ZC3H11A: variants seen among roughly 807,000 people sequenced by gnomAD.
ZC3H11A encodes zinc finger CCCH domain-containing protein 11A.
Under a neutral mutation model 90.8 loss-of-function variants are expected in ZC3H11A, and 22 were observed. The observed-to-expected ratio is 0.24, with a 90% CI of 0.17 to 0.35. ZC3H11A has a LOEUF of 0.35. ZC3H11A is among the 10% of genes least tolerant of loss of function. The pLI, the probability that ZC3H11A is intolerant of heterozygous loss-of-function variation, is 1.00. For synonymous variants in ZC3H11A, 294 were observed against 339.8 expected, an observed-to-expected ratio of 0.87 and a Z score of 1.48; for missense variants, 701 against 964.9, an observed-to-expected ratio of 0.73 and a Z score of 3.62.
At chr1:203,806,818 C>T (rs1389653866) in intron 2 of ZC3H11A, among the ~76,000 whole-genome samples, 1 of 136,234 alleles carries the variant, frequency 7.3e-6, no homozygotes, top group Admixed American at 8.3e-5. Flanking sequence ...GTGGATATTG[C>T]ACCTCAGGTT....
chr1:203,846,256 A>G (rs926313161), intron 12 of ZC3H11A, among the ~76,000 whole-genome samples: 4 of 149,704 alleles, frequency 2.7e-5, no homozygotes, highest in Non-Finnish European at 5.9e-5. Flanking sequence ...ATCTCTTTTC[A>G]TTATTTATTT....
chr1:203,822,003 C>T (rs34057724), intron 4 of ZC3H11A, among the ~76,000 whole-genome samples: 15,796 of 151,992 alleles, frequency 0.1, 1,110 homozygotes, highest in Non-Finnish European at 0.15. Context: ...GTGATCCGCC[C>T]GCCTTGGCCT....
Position 203,824,324 on chromosome 1 carries a change from C to T in ZC3H11A, c.175-3975C>T, listed in dbSNP as rs571963929. 3.2e-4 allele frequency among the ~76,000 whole-genome samples: 48 copies of T among 150,460 alleles called. No homozygotes were observed. The South Asian group carries it at 1.0e-2, about 31-fold the overall frequency. ...ATAATTTATATTTGTTTTTCACTTG[C>T]ATATGAATTTTAAAAATCTCTGGAA... is the stretch of plus-strand genomic sequence containing the variant. On this transcript the variant is annotated intron_variant, in intron 4 of 17. Coordinates refer to ENST00000367210, the MANE Select transcript of ZC3H11A (RefSeq NM_001376342.1).
At chr1:203,806,757 T>G (rs1490010918) in intron 2 of ZC3H11A, among the ~76,000 whole-genome samples, 1 of 152,068 alleles carries the variant, frequency 6.6e-6, no homozygotes, top group South Asian at 2.1e-4. Flanking sequence ...TTCTGGTGAT[T>G]ATGTGCATTT....
chr1:203,815,849 T>C (rs909516993), intron 2 of ZC3H11A, among the ~76,000 whole-genome samples: 1 of 152,364 alleles, frequency 6.6e-6, no homozygotes, highest in East Asian at 1.9e-4. Flanking sequence ...ACCCTTTCCA[T>C]ATTCTCGTAT....
chr1:203,841,672 A>C (rs1686255054), intron 12 of ZC3H11A, among the ~76,000 whole-genome samples: 1 of 152,012 alleles, frequency 6.6e-6, no homozygotes, highest in African/African-American at 2.4e-5. Flanking sequence ...TGTTGGGTAC[A>C]CCTCCCAGAC....
chr1:203,849,782 G>T lies in ZC3H11A; in HGVS notation c.1695G>T (p.Lys565Asn), dbSNP rs756567594. 1.7e-5 allele frequency: 28 copies of T among 1,613,772 alleles called. No individual in the cohort carries two copies. Among genetic ancestry groups the T allele is most frequent in the Non-Finnish European group, 2.3e-5 (27 of 1,179,858 alleles). The part of the protein sequence containing the change: ...QVKRCETMRE[K>N]HMQKQQEREK... The stretch of plus-strand genomic sequence containing the variant: ...AGAGATGTGAGACCATGAGAGAGAA[G>T]CACATGCAGAAACAGCAGGAGAGGG... Residue 565 changes from lysine (K) to asparagine (N), a missense_variant, in exon 15 of 18, where the codon AAG becomes AAT. Physicochemically the swap from Lys to Asn is moderately conservative, Grantham distance 94 (BLOSUM62 0). This residue lies in a region of ZC3H11A where 530 missense variants were observed against 696.2 expected (regional missense o/e 0.76). Coordinates refer to ENST00000367210, the MANE Select transcript of ZC3H11A (RefSeq NM_001376342.1).
intron 4 of ZC3H11A, among the ~76,000 whole-genome samples, chr1:203,824,567 T>C (rs1381781173): frequency 3.9e-5 from 6 of 152,190 alleles, no homozygotes; most frequent in Non-Finnish European, 8.8e-5. Context: ...TCATCTGACA[T>C]GTGTCACATT....
chr1:203,796,447 G>A (rs777109089), intron 1 of ZC3H11A: 1 of 398,930 alleles, frequency 2.5e-6, no homozygotes, highest in African/African-American at 2.1e-5. Context: ...CGTTCTCCTT[G>A]TAGGACTGGT....
At chr1:203,817,320 A>G (rs1427908343) in intron 3 of ZC3H11A, among the ~76,000 whole-genome samples, 196 bp downstream of exon 3, 3 of 152,026 alleles carry the variant, frequency 2.0e-5, no homozygotes, top group Non-Finnish European at 4.4e-5. Context: ...TATATAACTA[A>G]TTTTCCCATC....
intron 1 of ZC3H11A, chr1:203,800,491 CT>C: frequency 6.9e-7 from 1 of 1,458,994 alleles, no homozygotes; most frequent in Non-Finnish European, 9.0e-7. Context: ...AAATGGGCAA[CT>C]TTTTGCTGTG....
chr1:203,817,270 T>C, intron 3 of ZC3H11A, 146 bp downstream of exon 3: 2 of 593,552 alleles, frequency 3.4e-6, no homozygotes, highest in Non-Finnish European at 5.6e-6. Flanking sequence ...TAAAGGATAA[T>C]GTATTTAGGG....
intron 2 of ZC3H11A, chr1:203,805,865 C>A: frequency 1.2e-6 from 1 of 866,274 alleles, no homozygotes; most frequent in East Asian, 3.2e-5. Context: ...TCCATCATGT[C>A]CACTAGCTGG....
intron 2 of ZC3H11A, among the ~76,000 whole-genome samples, chr1:203,803,816 A>T (rs1006684444): frequency 2.6e-5 from 4 of 152,166 alleles, no homozygotes; most frequent in Non-Finnish European, 5.9e-5. Flanking sequence ...TGTGTTGCCC[A>T]GGCTGTTCTC....
chr1:203,822,747 C>T lies in ZC3H11A; in HGVS notation c.174+4058C>T, dbSNP rs529539650. On this transcript the variant is annotated intron_variant, in intron 4 of 17. Coordinates refer to ENST00000367210, the MANE Select transcript of ZC3H11A (RefSeq NM_001376342.1). The stretch of plus-strand genomic sequence containing the variant: ...ATGTCCTCTTAACCCTCCAACCCTC[C>T]GTGGGTTCCAACACCCTATGCCAGT... Among the ~76,000 whole-genome samples the T allele has an allele frequency of 2.4e-4, 36 of 152,286 alleles. 1 individual carries two copies. The South Asian group carries it at 3.3e-3, about 14-fold the overall frequency.
chr1:203,852,027 C>A (rs916960561), intron 17 of ZC3H11A, 114 bp from the exon 18 acceptor site: 11 of 454,594 alleles, frequency 2.4e-5, no homozygotes, highest in Non-Finnish European at 4.0e-5. Flanking sequence ...AGAATTATTT[C>A]TTTATGTATG....
At position 203,816,945 on chromosome 1, in the gene ZC3H11A, T is replaced by A. The variant is rs533414606; in HGVS notation, c.-126T>A. 54 of 601,494 alleles carry A rather than the reference T, an allele frequency of 9.0e-5. 2 individuals are homozygous for A. In the South Asian group the frequency reaches 1.5e-3, roughly 17 times the overall value. The allele number at this position is 601,494 out of a possible 1,614,324, so 37.3% of individuals were successfully genotyped here. A position where few individuals can be genotyped will look rare whatever the true frequency, so the allele number is the denominator to read the frequency against. ...TTTTAGGATTACAGTTTAAAGACAA[T>A]TTCTGTGATCAAGTTGTCATTTGGA... On this transcript the variant is annotated 5_prime_UTR_variant, in exon 3 of 18. Transcript: ENST00000367210.
intron 4 of ZC3H11A, among the ~76,000 whole-genome samples, chr1:203,821,762 G>GTTTT (rs201404414): frequency 5.6e-5 from 8 of 141,672 alleles, no homozygotes; most frequent in African/African-American, 2.1e-4. Context: ...TTTTGGTTTT[G>GTTTT]TTTTTTTTTT....
chr1:203,798,180 A>G (rs1161047930), intron 1 of ZC3H11A: 20 of 1,536,020 alleles, frequency 1.3e-5, no homozygotes, highest in East Asian at 2.4e-5. Flanking sequence ...ATATATTCCT[A>G]CTGATCCATT....
Sources: gnomAD v4.1 joint callset for allele counts (sites outside exome capture counted in the v4.1 genomes callset) on GRCh38, gnomAD v4.1.1 for gene constraint, gnomAD v4.1.1 regional missense constraint, MANE v1.5 for transcripts, NCBI Gene and HGNC (gene_info 2026-07-23, HGNC 2026-07-21) for gene names.